LHFPL3: variants seen among roughly 807,000 people sequenced by gnomAD.
The protein encoded by LHFPL3 is LHFPL tetraspan subfamily member 3, also known as LHFPL tetraspan subfamily member 3 protein.
Under a neutral mutation model 19.3 loss-of-function variants are expected in LHFPL3, and 5 were observed. That is an observed-to-expected ratio of 0.26 (90% CI 0.14 to 0.54). The LOEUF (loss-of-function observed/expected upper bound fraction) is 0.54, where lower values mean the gene tolerates loss of function less well. Ranked by LOEUF, LHFPL3 falls within the 20% of genes least tolerant of loss-of-function variation. The pLI is 0.94. For synonymous variants in LHFPL3, 133 were observed against 126.2 expected, an observed-to-expected ratio of 1.05 and a Z score of -0.36; for missense variants, 249 against 307.4, an observed-to-expected ratio of 0.81 and a Z score of 1.42.
At chr7:104,774,333 C>A (rs1794607934) in intron 2 of LHFPL3, among the ~76,000 whole-genome samples, 1 of 152,196 alleles carries the variant, frequency 6.6e-6, no homozygotes, top group Admixed American at 6.5e-5. Flanking sequence ...CTTCTACATA[C>A]ATTATATAAC....
chr7:104,789,307 G>A (rs1229076472), intron 2 of LHFPL3, among the ~76,000 whole-genome samples: 1 of 152,126 alleles, frequency 6.6e-6, no homozygotes, highest in Non-Finnish European at 1.5e-5. Flanking sequence ...TGTTCTTGGT[G>A]AGTATAAGAA....
At chr7:104,485,802 G>A (rs1026017094) in intron 1 of LHFPL3, among the ~76,000 whole-genome samples, 1 of 152,080 alleles carries the variant, frequency 6.6e-6, no homozygotes, top group Non-Finnish European at 1.5e-5. Context: ...CTCGCTCGGT[G>A]TGTGATGTTC....
intron 1 of LHFPL3, among the ~76,000 whole-genome samples, chr7:104,602,026 T>TTC (rs1554413049): frequency 7.4e-6 from 1 of 135,036 alleles, no homozygotes; most frequent in Non-Finnish European, 1.6e-5. Flanking sequence ...TTTTCTTTTT[T>TTC]TTTTTTTTTT....
intron 1 of LHFPL3, among the ~76,000 whole-genome samples, chr7:104,371,427 C>G (rs1790613130): frequency 6.6e-6 from 1 of 152,162 alleles, no homozygotes; most frequent in Non-Finnish European, 1.5e-5. Flanking sequence ...CTCATGGCAA[C>G]AGGCTAATTC....
intron 2 of LHFPL3, among the ~76,000 whole-genome samples, chr7:104,807,826 T>C (rs1372066732): frequency 6.6e-6 from 1 of 152,250 alleles, no homozygotes; most frequent in Non-Finnish European, 1.5e-5. Flanking sequence ...TCACTGAACG[T>C]CTAAAGCACA....
chr7:104,709,786 C>G (rs1301821813), intron 1 of LHFPL3, among the ~76,000 whole-genome samples: 1 of 152,198 alleles, frequency 6.6e-6, no homozygotes, highest in East Asian at 1.9e-4. Context: ...AGAGGGGCTC[C>G]TCACTTCCTA....
intron 1 of LHFPL3, among the ~76,000 whole-genome samples, chr7:104,426,009 A>G (rs747692128): frequency 2.0e-5 from 3 of 152,224 alleles, no homozygotes; most frequent in Non-Finnish European, 2.9e-5. Context: ...AACATTGCCT[A>G]TTCCTTCTGT....
Position 104,329,197 on chromosome 7 carries a change from A to C in LHFPL3, c.418A>C (p.Ile140Leu). ...CTGCAACACGGCCACTGTGTACAAG[A>C]TATGTGCCTGGATGCAGCTCACCTC... ...FFCNTATVYK[I>L]CAWMQLTSAA... The change falls in exon 1 of 3, where the codon ATA becomes CTA. Residue 140 changes from isoleucine to leucine, a missense_variant. Ile to Leu is a conservative substitution (Grantham distance 5, BLOSUM62 2). Coordinates refer to ENST00000424859, the MANE Select transcript of LHFPL3 (RefSeq NM_199000.3). The C allele has an allele frequency of 6.2e-7, 1 of 1,610,982 alleles. No homozygotes were observed. Among genetic ancestry groups the C allele is most frequent in the Non-Finnish European group, 8.5e-7 (1 of 1,177,526 alleles).
At chr7:104,443,850 C>A (rs764140846) in intron 1 of LHFPL3, among the ~76,000 whole-genome samples, 5 of 152,170 alleles carry the variant, frequency 3.3e-5, no homozygotes, top group African/African-American at 1.2e-4. Flanking sequence ...TTTTTGAGAA[C>A]TGAGAGTGAA....
At chr7:104,900,390 T>C (rs1216056810) in intron 2 of LHFPL3, among the ~76,000 whole-genome samples, 2 of 152,162 alleles carry the variant, frequency 1.3e-5, no homozygotes, top group South Asian at 2.1e-4. Context: ...AAAAAACACA[T>C]GAGAAAGTGT....
intron 1 of LHFPL3, among the ~76,000 whole-genome samples, chr7:104,398,234 T>G (rs1176553112): frequency 6.6e-6 from 1 of 152,224 alleles, no homozygotes; most frequent in East Asian, 1.9e-4. Flanking sequence ...CTCTTTCCAC[T>G]TGTTCACACT....
At chr7:104,792,508 T>TA (rs1454815962) in intron 2 of LHFPL3, among the ~76,000 whole-genome samples, 1 of 152,242 alleles carries the variant, frequency 6.6e-6, no homozygotes, top group Admixed American at 6.5e-5. Flanking sequence ...TATTGGCTCT[T>TA]ACAGTTCCTC....
intron 2 of LHFPL3, among the ~76,000 whole-genome samples, chr7:104,848,429 A>AT (rs1367757397): frequency 1.3e-5 from 2 of 152,108 alleles, no homozygotes; most frequent in African/African-American, 2.4e-5. Flanking sequence ...GCTGATGATG[A>AT]TGGGCAGGCA....
chr7:104,344,269 T>C (rs1474547606), intron 1 of LHFPL3, among the ~76,000 whole-genome samples: 1 of 152,214 alleles, frequency 6.6e-6, no homozygotes, highest in African/African-American at 2.4e-5. Context: ...TTTTAATTTT[T>C]TTATTTCAAT....
chr7:104,631,957 T>A (rs1028639164), intron 1 of LHFPL3, among the ~76,000 whole-genome samples: 1 of 152,174 alleles, frequency 6.6e-6, no homozygotes, highest in Non-Finnish European at 1.5e-5. Flanking sequence ...AAGGAGGTTC[T>A]CCACATTAAC....
At position 104,489,803 on chromosome 7, in the gene LHFPL3, A is replaced by G. The variant is rs76295314; in HGVS notation, c.445+160579A>G. ...TTAGGAAGATTTGGCTTTCTGATTC[A>G]TTGGAATAATTTGGAGACAAGGAAG... On this transcript the variant is annotated intron_variant, in intron 1 of 2. Coordinates refer to ENST00000424859, the MANE Select transcript of LHFPL3 (RefSeq NM_199000.3). 2.6e-3 allele frequency among the ~76,000 whole-genome samples: 401 copies of G among 152,274 alleles called. 2 individuals carry two copies. Among genetic ancestry groups the G allele is most frequent in the African/African-American group, 9.1e-3 (379 of 41,562 alleles).
chr7:104,790,272 ATCTCCTT>A (rs1789997940), intron 2 of LHFPL3, among the ~76,000 whole-genome samples: 1 of 152,100 alleles, frequency 6.6e-6, no homozygotes, highest in South Asian at 2.1e-4. Context: ...AAATTCCAAA[ATCTCCTT>A]ATACCTGCTA....
intron 1 of LHFPL3, among the ~76,000 whole-genome samples, chr7:104,402,737 T>C (rs540182841): frequency 6.6e-6 from 1 of 152,212 alleles, no homozygotes; most frequent in African/African-American, 2.4e-5. Flanking sequence ...ATTATACTAT[T>C]TTTTTGCTTC....
At chr7:104,601,194 T>C (rs1422921886) in intron 1 of LHFPL3, among the ~76,000 whole-genome samples, 1 of 152,170 alleles carries the variant, frequency 6.6e-6, no homozygotes, top group Non-Finnish European at 1.5e-5. Flanking sequence ...GGGATATACA[T>C]CAGAATCTGC....
Sources: allele counts gnomAD v4.1 joint callset (sites outside exome capture counted in the v4.1 genomes callset), GRCh38; gene constraint gnomAD v4.1.1; transcripts MANE v1.5; gene names NCBI Gene and HGNC (gene_info 2026-07-23, HGNC 2026-07-21).